Variants in WDFY4 observed in about 807,000 individuals in gnomAD.
The protein encoded by WDFY4 is WD repeat- and FYVE domain-containing protein 4.
WDFY4 carries 169 observed loss-of-function variants against 351.9 expected under a neutral mutation model. The observed-to-expected ratio is 0.48, with a 90% confidence interval of 0.42 to 0.55. The LOEUF (loss-of-function observed/expected upper bound fraction) is 0.55. Among genes scored for constraint, WDFY4 ranks in the 20% least tolerant of loss-of-function variants. The pLI is 0.00. For synonymous variants in WDFY4, 1,622 were observed against 1,574.6 expected (o/e 1.03, Z -0.71); for missense variants, 3,803 against 3,935.6 (o/e 0.97, Z 0.90).
chr10:48,892,443 ACTACC>A (rs1836859532), intron 44 of WDFY4, among the ~76,000 whole-genome samples: 1 of 152,162 alleles, frequency 6.6e-6, no homozygotes, highest in Non-Finnish European at 1.5e-5. Context: ...AGAACAAATT[ACTACC>A]CTGGAATTGC....
At chr10:48,805,178 T>C in intron 25 of WDFY4, 82 bp from the exon 26 acceptor site, 1 of 1,471,700 alleles carries the variant, frequency 6.8e-7, no homozygotes, top group Non-Finnish European at 9.0e-7. Context: ...AAGCCTGGCT[T>C]GAAAAACCTT....
rs981304353 is a variant in WDFY4, at chr10:48,786,856, C to T, written c.3794C>T (p.Ala1265Val). The T allele has an allele frequency of 6.4e-7, 1 of 1,551,910 alleles. No individual in the cohort carries two copies. Among genetic ancestry groups the T allele is most frequent in the South Asian group, 1.2e-5 (1 of 84,062 alleles). ...LGPRYCGNFQ[A>V]VHVQGEDLDS... The stretch of plus-strand genomic sequence containing the variant: ...CCAAGATATTGTGGTAACTTCCAAG[C>T]TGTGCATGTCCAAGGTATGGAGTGT... Residue 1265 changes from alanine (A) to valine (V), a missense_variant, in exon 20 of 62, where the codon GCT becomes GTT. By Grantham distance (64) the Ala-to-Val change is moderately conservative. Around this residue, in one of 3 missense-constraint regions of WDFY4, gnomAD observed 3,054 missense variants for 3,148.6 expected, o/e 0.97. Transcript: ENST00000325239.
chr10:48,842,370 T>C (rs1046841250), intron 39 of WDFY4, among the ~76,000 whole-genome samples: 1 of 152,000 alleles, frequency 6.6e-6, no homozygotes, highest in Non-Finnish European at 1.5e-5. Context: ...CGACAAGCAG[T>C]GTCCTCACTG....
At chr10:48,832,264 C>A (rs553303516) in intron 38 of WDFY4, among the ~76,000 whole-genome samples, 1 of 152,232 alleles carries the variant, frequency 6.6e-6, no homozygotes, top group African/African-American at 2.4e-5. Flanking sequence ...TATTGTTATC[C>A]CCATTTCACA....
intron 28 of WDFY4, among the ~76,000 whole-genome samples, chr10:48,809,292 TCAC>T (rs1263710569): frequency 7.2e-6 from 1 of 139,502 alleles, no homozygotes; most frequent in African/African-American, 2.9e-5. Context: ...TTAATCGCCA[TCAC>T]CACCATCATC....
intron 39 of WDFY4, among the ~76,000 whole-genome samples, chr10:48,846,395 C>G (rs2068777467): frequency 6.6e-6 from 1 of 152,226 alleles, no homozygotes; most frequent in South Asian, 2.1e-4. Context: ...GTGGCCTCCT[C>G]TGTGGGCAAG....
rs543836252 is a variant in WDFY4, at chr10:48,877,065, C to G, written c.7033C>G (p.Pro2345Ala). The change falls in exon 43 of 62, where the codon CCG becomes GCG. Residue 2345 changes from proline to alanine, a missense_variant. This residue lies in a region of WDFY4 where 3,054 missense variants were observed against 3,148.6 expected (regional missense o/e 0.97). Coordinates refer to ENST00000325239, the MANE Select transcript of WDFY4 (RefSeq NM_001394531.1). ...ELTLREAEGE[P>A]DEVGVDCTQL... ...GACACTGAGGGAGGCTGAGGGCGAG[C>G]CGGACGAGGTGGGGGTGGACTGCAC... The G allele has an allele frequency of 2.9e-5, 44 of 1,516,760 alleles. No homozygotes were observed. Among genetic ancestry groups the G allele is most frequent in the Non-Finnish European group, 3.2e-5 (36 of 1,129,032 alleles). The allele number at this position is 1,516,760 out of a possible 1,614,324, so 94.0% of individuals were successfully genotyped here.
At chr10:48,913,592 G>A in intron 47 of WDFY4, 1 of 1,614,070 alleles carries the variant, frequency 6.2e-7, no homozygotes, top group Non-Finnish European at 8.5e-7. Flanking sequence ...TGGAGTCTAT[G>A]AATATTTCCG....
At chr10:48,904,935 G>A (rs960991001) in intron 47 of WDFY4, among the ~76,000 whole-genome samples, 24 of 152,192 alleles carry the variant, frequency 1.6e-4, no homozygotes, top group Admixed American at 2.0e-4. Flanking sequence ...GTCAGCAAAA[G>A]CAGGTGGCCA....
At chr10:48,940,417 T>G (rs149572676) in intron 47 of WDFY4, among the ~76,000 whole-genome samples, 1 of 152,150 alleles carries the variant, frequency 6.6e-6, no homozygotes, top group Non-Finnish European at 1.5e-5. Flanking sequence ...ATCTGCCAAG[T>G]AAAGAATTGA....
At chr10:48,688,429 C>T (rs1049342295) in intron 1 of WDFY4, among the ~76,000 whole-genome samples, 6 of 152,204 alleles carry the variant, frequency 3.9e-5, no homozygotes, top group African/African-American at 7.2e-5. Flanking sequence ...AATTCATAAA[C>T]GTGGTCTGTC....
At position 48,817,208 on chromosome 10, in the gene WDFY4, T is replaced by C. The variant is rs372380575; in HGVS notation, c.5341-37T>C. ...CTGGTTAGGGAGGCAGCGCCCATCATGCTGCCCTGCACTACCTCTCACCAA... is the reference window on the plus strand; with the variant it reads ...CTGGTTAGGGAGGCAGCGCCCATCACGCTGCCCTGCACTACCTCTCACCAA... On this transcript the variant is annotated intron_variant, in intron 31 of 61. Coordinates refer to ENST00000325239, the MANE Select transcript of WDFY4 (RefSeq NM_001394531.1). The C allele has an allele frequency of 1.0e-4, 159 of 1,545,552 alleles. No individual in the cohort carries two copies. In the African/African-American group the frequency reaches 2.1e-3, roughly 20 times the overall value.
intron 44 of WDFY4, 86 bp from the exon 45 acceptor site, chr10:48,897,368 G>A (rs1837134940): frequency 3.3e-6 from 5 of 1,499,822 alleles, no homozygotes; most frequent in Non-Finnish European, 4.5e-6. Context: ...GGGTGGAGCT[G>A]GTGGAGGGCA....
At chr10:48,887,545 A>G (rs7094358) in intron 43 of WDFY4, among the ~76,000 whole-genome samples, 25,380 of 152,132 alleles carry the variant, frequency 0.17, 2,590 homozygotes, top group African/African-American at 0.28. Context: ...TTGGGAGGCC[A>G]AGACGGGCGG....
At chr10:48,911,145 G>A (rs1442006699) in intron 47 of WDFY4, among the ~76,000 whole-genome samples, 5 of 152,144 alleles carry the variant, frequency 3.3e-5, no homozygotes, top group South Asian at 4.1e-4. Context: ...GCAGGCTAGC[G>A]GTGGCTCCTA....
intron 47 of WDFY4, among the ~76,000 whole-genome samples, chr10:48,911,306 G>T (rs916452364): frequency 1.3e-5 from 2 of 152,174 alleles, no homozygotes; most frequent in Non-Finnish European, 2.9e-5. Flanking sequence ...CGGGAAATGG[G>T]TTCTCTACTA....
chr10:48,886,956 A>G (rs12766490), intron 43 of WDFY4, among the ~76,000 whole-genome samples: 2 of 152,192 alleles, frequency 1.3e-5, no homozygotes, highest in Non-Finnish European at 2.9e-5. Flanking sequence ...AAACTTAGGG[A>G]TGGAGCCCTC....
Position 48,774,650 on chromosome 10 carries a change from G to A in WDFY4, c.2746G>A (p.Ala916Thr), listed in dbSNP as rs984666300. 2.6e-6 allele frequency: 4 copies of A among 1,551,728 alleles called. No homozygotes were observed. Among genetic ancestry groups the A allele is most frequent in the Non-Finnish European group, 2.6e-6 (3 of 1,146,986 alleles). Residue 916 changes from alanine (A) to threonine (T), a missense_variant, in exon 14 of 62, where the codon GCC becomes ACC. Ala to Thr is a moderately conservative substitution (Grantham distance 58). This residue lies in a region of WDFY4 where 3,054 missense variants were observed against 3,148.6 expected (regional missense o/e 0.97). Coordinates refer to ENST00000325239, the MANE Select transcript of WDFY4 (RefSeq NM_001394531.1). ...GATCTTTGAGAAGCTCGCTTCCCAG[G>A]CCATTGAACCGGATGTGCTAAGGTA... ...IRIFEKLASQ[A>T]IEPDVLRQFL...
At chr10:48,795,491 G>GTATATATATATATATATATA (rs60705301) in intron 23 of WDFY4, among the ~76,000 whole-genome samples, 3 of 101,216 alleles carry the variant, frequency 3.0e-5, no homozygotes, top group African/African-American at 4.5e-5. Context: ...GTGTGTGTCT[G>GTATATATATATATATATATA]TATATATATA....
Sources: allele counts gnomAD v4.1 joint callset (sites outside exome capture counted in the v4.1 genomes callset), GRCh38; gene constraint gnomAD v4.1.1; regional missense constraint gnomAD v4.1.1; transcripts MANE v1.5; gene names NCBI Gene and HGNC (gene_info 2026-07-23, HGNC 2026-07-21).